GXYLT1: variants seen among roughly 807,000 people sequenced by gnomAD.
GXYLT1 encodes glucoside xylosyltransferase 1.
In GXYLT1, 29 loss-of-function variants were observed where a neutral mutation model predicts 54.0. That is an observed-to-expected ratio of 0.54 (90% CI 0.40 to 0.73). GXYLT1 has a LOEUF of 0.73. Among genes scored for constraint, GXYLT1 ranks in the 30% least tolerant of loss-of-function variants. GXYLT1 has a pLI of 0.00. For synonymous variants in GXYLT1, 176 were observed against 204.1 expected (o/e 0.86, Z 1.17); for missense variants, 490 against 553.4 (o/e 0.89, Z 1.15).
chr12:42,114,253 A>G (rs2065478176), intron 3 of GXYLT1, among the ~76,000 whole-genome samples: 1 of 152,238 alleles, frequency 6.6e-6, no homozygotes, highest in Non-Finnish European at 1.5e-5. Context: ...TTCAAAACCT[A>G]GCAGAAGGCA....
At chr12:42,105,674 A>G in intron 5 of GXYLT1, 144 bp downstream of exon 5, 1 of 590,724 alleles carries the variant, frequency 1.7e-6, no homozygotes, top group Non-Finnish European at 2.8e-6. Flanking sequence ...ATAAATCTAG[A>G]TATTTATATT....
chr12:42,141,482 T>C (rs908439471), intron 1 of GXYLT1, among the ~76,000 whole-genome samples: 10 of 152,172 alleles, frequency 6.6e-5, no homozygotes, highest in Middle Eastern at 3.4e-3. Flanking sequence ...CTGATGACTA[T>C]AGTTAACAAA....
intron 2 of GXYLT1, among the ~76,000 whole-genome samples, chr12:42,128,849 A>C (rs1441763830): frequency 2.0e-5 from 3 of 152,008 alleles, no homozygotes; most frequent in Non-Finnish European, 4.4e-5. Context: ...ATTTAAAAAA[A>C]AAATTTGTAG....
chr12:42,085,734 C>T lies in GXYLT1; in HGVS notation c.*2052G>A, dbSNP rs972418573. ...ATAATCAGGGAAATTTGCTTAAGGA[C>T]TGGCTATGAGATGAAGCCGAAGGAC... On this transcript the variant is annotated 3_prime_UTR_variant, in exon 8 of 8. Transcript: ENST00000398675. The T allele has an allele frequency of 6.6e-6, 1 of 152,284 alleles. No homozygotes were observed. Among genetic ancestry groups the T allele is most frequent in the African/African-American group, 2.4e-5 (1 of 41,472 alleles). 9.4% of individuals were successfully genotyped at this position (152,284 alleles called of 1,614,324 possible).
At chr12:42,117,225 A>T (rs930087468) in intron 3 of GXYLT1, among the ~76,000 whole-genome samples, 1 of 152,062 alleles carries the variant, frequency 6.6e-6, no homozygotes, top group African/African-American at 2.4e-5. Context: ...ACATGTATAC[A>T]TATGTAACAA....
intron 2 of GXYLT1, among the ~76,000 whole-genome samples, chr12:42,121,929 T>C (rs1222867049): frequency 6.6e-6 from 1 of 152,066 alleles, no homozygotes; most frequent in Non-Finnish European, 1.5e-5. Context: ...GGAAAATCAA[T>C]TGCAACTGGA....
At position 42,109,480 on chromosome 12, in the gene GXYLT1, T is replaced by C. The variant is rs923699616; in HGVS notation, c.612+86A>G. 3 of 876,942 alleles carry C rather than the reference T, an allele frequency of 3.4e-6. No homozygotes were observed. In the African/African-American group the frequency reaches 5.4e-5, roughly 16 times the overall value. The allele number at this position is 876,942 out of a possible 1,614,324, so 54.3% of individuals were successfully genotyped here. On this transcript the variant is annotated intron_variant, in intron 4 of 7. Transcript: ENST00000398675. ...ATTTAATTATTTAACTGGAATTATA[T>C]GTAACTCTTCAGAGACTCATGTGTA...
intron 5 of GXYLT1, among the ~76,000 whole-genome samples, chr12:42,103,641 T>C (rs984615506): frequency 1.3e-5 from 2 of 152,160 alleles, no homozygotes; most frequent in Non-Finnish European, 2.9e-5. Flanking sequence ...ATCCTAAGTA[T>C]AATAAAATAT....
intron 7 of GXYLT1, among the ~76,000 whole-genome samples, chr12:42,089,207 G>T (rs2065314971): frequency 6.6e-6 from 1 of 151,922 alleles, no homozygotes; most frequent in African/African-American, 2.4e-5. Flanking sequence ...CACACAGAGT[G>T]CTTGCTACCT....
chr12:42,091,287 A>AT (rs67706143), intron 7 of GXYLT1, among the ~76,000 whole-genome samples: 7 of 151,808 alleles, frequency 4.6e-5, no homozygotes, highest in East Asian at 3.9e-4. Context: ...TAAAAATAAG[A>AT]TTTTTTTAAA....
At chr12:42,122,325 C>G (rs2065536024) in intron 2 of GXYLT1, among the ~76,000 whole-genome samples, 1 of 152,168 alleles carries the variant, frequency 6.6e-6, no homozygotes, top group Non-Finnish European at 1.5e-5. Flanking sequence ...CACGGTGGCT[C>G]ACACCTGTAA....
Position 42,084,951 on chromosome 12 carries a change from C to T in GXYLT1, c.*2835G>A, listed in dbSNP as rs1242045594. The T allele has an allele frequency of 3.3e-5, 5 of 151,984 alleles. No homozygotes were observed. In the South Asian group the frequency reaches 1.0e-3, roughly 32 times the overall value. 9.4% of individuals were successfully genotyped at this position (151,984 alleles called of 1,614,324 possible). The stretch of plus-strand genomic sequence containing the variant: ...GTTCTGAGGTCAGAATACATAGACT[C>T]AAATAATAAATCATGTAGTTTATAT... On this transcript the variant is annotated 3_prime_UTR_variant, in exon 8 of 8. Transcript: ENST00000398675.
At chr12:42,129,893 T>C (rs530280465) in intron 1 of GXYLT1, 42 bp from the exon 2 acceptor site, 1 of 1,357,976 alleles carries the variant, frequency 7.4e-7, no homozygotes, top group Admixed American at 1.7e-5. Flanking sequence ...TGTGAGTATT[T>C]TGGTTTGGAA....
Position 42,119,149 on chromosome 12 carries a change from C to T in GXYLT1, c.337G>A (p.Val113Ile). 6.2e-7 allele frequency: 1 copy of T among 1,614,120 alleles called. No homozygotes were observed. Among genetic ancestry groups the T allele is most frequent in the Non-Finnish European group, 8.5e-7 (1 of 1,179,930 alleles). ...AFRYSLKIQP[V>I]EKMHLAVVAC... ...ACTACAGCTAGATGCATTTTCTCAA[C>T]AGGCTGTATTTTCAGACTGTACCTA... The change falls in exon 3 of 8, where the codon GTT becomes ATT. Residue 113 changes from valine to isoleucine, a missense_variant. Coordinates refer to ENST00000398675, the MANE Select transcript of GXYLT1 (RefSeq NM_173601.2).
chr12:42,095,021 A>G (rs2065347959), intron 7 of GXYLT1, among the ~76,000 whole-genome samples: 1 of 152,154 alleles, frequency 6.6e-6, no homozygotes, highest in Admixed American at 6.5e-5. Context: ...CCCCAAAAAG[A>G]TATAAAAATA....
At chr12:42,135,512 T>C (rs1346743707) in intron 1 of GXYLT1, among the ~76,000 whole-genome samples, 5 of 152,180 alleles carry the variant, frequency 3.3e-5, no homozygotes, top group African/African-American at 4.8e-5. Context: ...AAACTGTCCA[T>C]GAATGCTCAG....
At chr12:42,137,125 G>A (rs2065624089) in intron 1 of GXYLT1, among the ~76,000 whole-genome samples, 1 of 152,082 alleles carries the variant, frequency 6.6e-6, no homozygotes, top group African/African-American at 2.4e-5. Context: ...CAAGATAGGA[G>A]GCTTCAGTGA....
chr12:42,126,658 C>T (rs767878720), intron 2 of GXYLT1, among the ~76,000 whole-genome samples: 2 of 151,910 alleles, frequency 1.3e-5, no homozygotes, highest in Non-Finnish European at 2.9e-5. Context: ...TTTGGGAGGC[C>T]GAGGCGGCCA....
intron 2 of GXYLT1, among the ~76,000 whole-genome samples, chr12:42,126,653 G>A (rs925720712): frequency 1.3e-5 from 2 of 152,118 alleles, no homozygotes; most frequent in African/African-American, 4.8e-5. Context: ...AGTATTTTGG[G>A]AGGCCGAGGC....
Sources: gnomAD v4.1 joint callset for allele counts (sites outside exome capture counted in the v4.1 genomes callset) on GRCh38, gnomAD v4.1.1 for gene constraint, MANE v1.5 for transcripts, NCBI Gene and HGNC (gene_info 2026-07-23, HGNC 2026-07-21) for gene names.